Variants in EML6 observed in about 807,000 individuals in gnomAD.
EML6 encodes the protein echinoderm microtubule-associated protein-like 6.
Under a neutral mutation model 240.1 loss-of-function variants are expected in EML6, and 154 were observed. That is an observed-to-expected ratio of 0.64 (90% confidence interval 0.56 to 0.73). The LOEUF (loss-of-function observed/expected upper bound fraction) is 0.73, where lower values mean the gene tolerates loss of function less well. Ranked by LOEUF, EML6 falls within the 30% of genes least tolerant of loss-of-function variation. EML6 has a pLI of 0.00. For synonymous variants in EML6, 1,148 were observed against 899.0 expected (o/e 1.28, Z -4.95); for missense variants, 2,964 against 2,474.6 (o/e 1.20, Z -4.20).
chr2:54,960,518 G>A (rs1361654355), intron 35 of EML6, among the ~76,000 whole-genome samples, 184 bp downstream of exon 35: 3 of 152,200 alleles, frequency 2.0e-5, no homozygotes, highest in Non-Finnish European at 2.9e-5. Flanking sequence ...CCAGCTGGGT[G>A]ACCTTGGGTG....
intron 17 of EML6, chr2:54,880,236 C>T (rs1671743190): frequency 6.6e-6 from 1 of 152,462 alleles, no homozygotes; most frequent in Admixed American, 6.5e-5. Flanking sequence ...CTTTCCACTC[C>T]TACTTACATT....
At chr2:54,775,427 C>T (rs1668562025) in intron 2 of EML6, among the ~76,000 whole-genome samples, 1 of 152,156 alleles carries the variant, frequency 6.6e-6, no homozygotes, top group South Asian at 2.1e-4. Flanking sequence ...AACGCTCCTC[C>T]CCTCGATTTG....
At chr2:54,750,180 AT>A (rs1684095958) in intron 2 of EML6, among the ~76,000 whole-genome samples, 1 of 152,134 alleles carries the variant, frequency 6.6e-6, no homozygotes, top group Non-Finnish European at 1.5e-5. Flanking sequence ...AGGGCCCGAT[AT>A]TTGGCTTTTG....
chr2:54,821,847 C>G (rs1408492977), intron 5 of EML6, among the ~76,000 whole-genome samples: 1 of 151,934 alleles, frequency 6.6e-6, no homozygotes, highest in East Asian at 1.9e-4. Context: ...GTTTCAAAAA[C>G]TATAAAATAA....
rs760476616 is a variant in EML6, at chr2:54,850,205, C to T, written c.1431C>T (p.Phe477=). 58 of 1,551,104 alleles carry T rather than the reference C, an allele frequency of 3.7e-5. No individual in the cohort carries two copies. Among genetic ancestry groups the T allele is most frequent in the East Asian group, 7.3e-5 (3 of 40,910 alleles). The change falls in exon 10 of 42, where the codon TTC becomes TTT. Residue 477 remains phenylalanine (F), a synonymous_variant. Coordinates refer to ENST00000356458, the MANE Select transcript of EML6 (RefSeq NM_001039753.4). ...QTNDGAGERL[F]YRMPSGKPLT... is the part of the protein sequence containing the mutation. The stretch of plus-strand genomic sequence containing the variant: ...ATGACGGTGCAGGAGAACGATTGTT[C>T]TACAGAATGCCATGTAAGTCATGTG...
In EML6 at chr2:54,952,548, G is replaced by A. The variant is rs1004507439; in HGVS notation, c.4214-46G>A. 1.2e-5 allele frequency: 16 copies of A among 1,292,150 alleles called. No individual in the cohort carries two copies. The Admixed American group carries it at 2.5e-4, about 20-fold the overall frequency. The allele number at this position is 1,292,150 out of a possible 1,614,324, so 80.0% of individuals were successfully genotyped here. ...CGATGTTTTGAAGTTGCCCTAAAAG[G>A]TCTTTAGGTTCCACTGTTCACCCTC... On this transcript the variant is annotated intron_variant, in intron 30 of 41. Transcript: ENST00000356458.
intron 2 of EML6, among the ~76,000 whole-genome samples, chr2:54,752,561 T>C (rs1383504911): frequency 6.6e-6 from 1 of 152,208 alleles, no homozygotes; most frequent in African/African-American, 2.4e-5. Context: ...ATGTTCTCTT[T>C]TGTGTGGGGC....
rs115109792 is a variant in EML6, at chr2:54,775,241, C to T, written c.198-37991C>T. Among the ~76,000 whole-genome samples the T allele has an allele frequency of 3.6e-3, 551 of 152,312 alleles. 3 individuals carry two copies. The highest frequency in any genetic ancestry group is 0.012 in the African/African-American group (512 of 41,564). On this transcript the variant is annotated intron_variant, in intron 2 of 41. Transcript: ENST00000356458. ...TGCCCAGTGTATTGACAGTGAAATG[C>T]GGAGTCCTTGCCATTCCTCGCTAGG...
At position 54,970,291 on chromosome 2, in the gene EML6, G is replaced by T; in HGVS notation, c.*196G>T. On this transcript the variant is annotated 3_prime_UTR_variant, in exon 42 of 42. Transcript: ENST00000356458. ...CTCTCCAAAACCGTGATGCCACGAAGGAAGGTCAAGTTTTAAAATGTTAAA... is the reference window on the plus strand; with the variant it reads ...CTCTCCAAAACCGTGATGCCACGAATGAAGGTCAAGTTTTAAAATGTTAAA... 1.6e-6 allele frequency: 1 copy of T among 614,462 alleles called. No individual in the cohort carries two copies. 38.1% of individuals were successfully genotyped at this position (614,462 alleles called of 1,614,324 possible).
chr2:54,950,800 A>G, intron 30 of EML6, 21 bp downstream of exon 30: 1 of 1,544,242 alleles, frequency 6.5e-7, no homozygotes, highest in Non-Finnish European at 8.7e-7. Flanking sequence ...GTTAAAAAAT[A>G]CAGGTTTTTC....
chr2:54,902,945 C>G, intron 22 of EML6, 99 bp from the exon 23 acceptor site: 1 of 1,089,908 alleles, frequency 9.2e-7, no homozygotes, highest in Non-Finnish European at 1.3e-6. Flanking sequence ...GTCACGTGTC[C>G]ATACATAATG....
intron 7 of EML6, among the ~76,000 whole-genome samples, chr2:54,837,035 T>G (rs1323752727): frequency 4.6e-5 from 7 of 152,120 alleles, no homozygotes. Context: ...TGCTGTCTTT[T>G]CCACACCCTC....
At chr2:54,818,800 A>G (rs1195241732) in intron 4 of EML6, among the ~76,000 whole-genome samples, 3 of 152,140 alleles carry the variant, frequency 2.0e-5, no homozygotes, top group Non-Finnish European at 4.4e-5. Flanking sequence ...TTTATTTGGA[A>G]CACTGTTCTC....
chr2:54,829,962 C>CA (rs1246208629), intron 7 of EML6, among the ~76,000 whole-genome samples: 1 of 152,160 alleles, frequency 6.6e-6, no homozygotes, highest in Non-Finnish European at 1.5e-5. Context: ...ACGGCAGTCT[C>CA]AAATTTCGGG....
intron 2 of EML6, among the ~76,000 whole-genome samples, chr2:54,766,953 A>G (rs764344517): frequency 4.6e-5 from 7 of 152,196 alleles, no homozygotes; most frequent in Non-Finnish European, 1.0e-4. Context: ...TTCATGATGG[A>G]TCATCTGCTA....
chr2:54,735,080 AC>A (rs1683334994), intron 2 of EML6, among the ~76,000 whole-genome samples: 1 of 151,344 alleles, frequency 6.6e-6, no homozygotes, highest in Non-Finnish European at 1.5e-5. Flanking sequence ...GCCTGAAATG[AC>A]CCCTCCTTTC....
chr2:54,968,551 T>C, intron 40 of EML6, 117 bp from the exon 41 acceptor site: 1 of 723,472 alleles, frequency 1.4e-6, no homozygotes, highest in Admixed American at 2.2e-5. Context: ...CCAGACCAAA[T>C]GGAAGTCCCC....
intron 38 of EML6, among the ~76,000 whole-genome samples, chr2:54,965,133 G>T (rs890280645): frequency 6.6e-6 from 1 of 152,166 alleles, no homozygotes; most frequent in Non-Finnish European, 1.5e-5. Flanking sequence ...CGTGGGCCCT[G>T]GACTCCAGCC....
At chr2:54,843,002 A>G (rs927801454) in intron 7 of EML6, among the ~76,000 whole-genome samples, 6 of 152,172 alleles carry the variant, frequency 3.9e-5, no homozygotes, top group African/African-American at 1.2e-4. Context: ...ATATATCTAG[A>G]TTCTGATCAA....
Sources: gnomAD v4.1 joint callset for allele counts (sites outside exome capture counted in the v4.1 genomes callset) on GRCh38, gnomAD v4.1.1 for gene constraint, MANE v1.5 for transcripts, NCBI Gene and HGNC (gene_info 2026-07-23, HGNC 2026-07-21) for gene names.